The following CRKL variants were observed in gnomAD, a reference collection of about 807,000 sequenced individuals.
CRKL encodes CRK like proto-oncogene, adaptor protein, also known as crk-like protein.
CRKL carries 3 observed loss-of-function variants against 23.0 expected under a neutral mutation model. The ratio of observed to expected loss-of-function variants is 0.13; its 90% CI spans 0.06 to 0.34. The LOEUF (loss-of-function observed/expected upper bound fraction) is 0.34. Ranked by LOEUF, CRKL falls within the 10% of genes least tolerant of loss-of-function variation. The pLI, the probability that CRKL is intolerant of heterozygous loss-of-function variation, is 1.00. For missense variants in CRKL, 256 were observed against 394.5 expected, an observed-to-expected ratio of 0.65 and a Z score of 2.97; for synonymous variants, 188 against 160.7, an observed-to-expected ratio of 1.17 and a Z score of -1.28.
chr22:20,929,869 T>C (rs560746201), intron 1 of CRKL, among the ~76,000 whole-genome samples: 4 of 152,322 alleles, frequency 2.6e-5, no homozygotes, highest in African/African-American at 9.6e-5. Context: ...GCTTCATATT[T>C]CTTTAGACAG....
intron 2 of CRKL, among the ~76,000 whole-genome samples, chr22:20,942,544 A>G (rs1035656701): frequency 2.6e-5 from 4 of 152,170 alleles, no homozygotes; most frequent in African/African-American, 9.7e-5. Context: ...TTGACACACA[A>G]ATGTTTGAGT....
At chr22:20,937,052 A>G (rs1175975609) in intron 2 of CRKL, among the ~76,000 whole-genome samples, 4 of 151,756 alleles carry the variant, frequency 2.6e-5, no homozygotes, top group Non-Finnish European at 4.4e-5. Context: ...GGGTTTCACT[A>G]TGTTGGCCAG....
chr22:20,925,991 A>G (rs113743083), intron 1 of CRKL, among the ~76,000 whole-genome samples: 188 of 152,350 alleles, frequency 1.2e-3, no homozygotes, highest in African/African-American at 4.4e-3. Flanking sequence ...TTAGAATGCC[A>G]TGACAGCTTA....
chr22:20,927,547 A>G (rs1921269712), intron 1 of CRKL, among the ~76,000 whole-genome samples: 1 of 141,576 alleles, frequency 7.1e-6, no homozygotes, highest in African/African-American at 2.6e-5. Context: ...GAAATATTTC[A>G]TACATAGAAA....
chr22:20,929,252 C>T (rs1025116976), intron 1 of CRKL, among the ~76,000 whole-genome samples: 2 of 151,962 alleles, frequency 1.3e-5, no homozygotes, highest in Admixed American at 6.6e-5. Context: ...GCAAGCTCTG[C>T]CTCCCGGGTT....
Position 20,917,458 on chromosome 22 carries a change from T to C in CRKL, c.-477T>C. 4.3e-6 allele frequency: 1 copy of C among 230,508 alleles called. No individual in the cohort carries two copies. The highest frequency in any genetic ancestry group is 8.6e-6 in the Non-Finnish European group (1 of 116,372). The allele number at this position is 230,508 out of a possible 1,614,324, so 14.3% of individuals were successfully genotyped here. A position where few individuals can be genotyped will look rare whatever the true frequency, so the allele number is the denominator to read the frequency against. On this transcript the variant is annotated 5_prime_UTR_variant, in exon 1 of 3. Transcript: ENST00000354336. ...GGAGGTGGCTGCCGCTTCTCCCGCGTCCGCCATTTTGTTGCTGTGGCTATT... is the reference window on the plus strand; with the variant it reads ...GGAGGTGGCTGCCGCTTCTCCCGCGCCCGCCATTTTGTTGCTGTGGCTATT...
chr22:20,939,398 G>T (rs562500545), intron 2 of CRKL, among the ~76,000 whole-genome samples: 2 of 96,102 alleles, frequency 2.1e-5, no homozygotes, highest in African/African-American at 6.7e-5. Flanking sequence ...CTGCCACCAC[G>T]CCCGGCTAAT....
intron 1 of CRKL, among the ~76,000 whole-genome samples, chr22:20,925,189 A>AAC (rs1426553975): frequency 6.7e-6 from 1 of 148,610 alleles, no homozygotes; most frequent in African/African-American, 2.4e-5. Context: ...TCCGTCTCAA[A>AAC]AAAAAAAAAA....
chr22:20,934,338 A>G, intron 2 of CRKL, 94 bp downstream of exon 2: 1 of 1,106,438 alleles, frequency 9.0e-7, no homozygotes, highest in Non-Finnish European at 1.3e-6. Context: ...GCTTATATTC[A>G]TGGAATTAGA....
chr22:20,925,229 C>G (rs1350916033), intron 1 of CRKL, among the ~76,000 whole-genome samples: 1 of 146,462 alleles, frequency 6.8e-6, no homozygotes, highest in Non-Finnish European at 1.5e-5. Context: ...ATGGAAAGTA[C>G]TAGTAGCCAT....
intron 2 of CRKL, among the ~76,000 whole-genome samples, chr22:20,947,089 C>G (rs1358917292): frequency 6.6e-6 from 1 of 152,204 alleles, no homozygotes; most frequent in East Asian, 1.9e-4. Context: ...AGTCTCTCAG[C>G]CATTCTCTTC....
rs1391710532 is a variant in CRKL at position 20,950,235 on chromosome 22, A to G, written c.*390A>G. On this transcript the variant is annotated 3_prime_UTR_variant, in exon 3 of 3. Transcript: ENST00000354336. ...ATACTGCATGTTTGCTGTTCCACAA[A>G]GCAGTGGCTTAGCTGCCATCTTGCT... The G allele has an allele frequency of 8.2e-6, 2 of 244,118 alleles. No individual in the cohort carries two copies. Among genetic ancestry groups the G allele is most frequent in the Non-Finnish European group, 1.6e-5 (2 of 126,112 alleles). 15.1% of individuals were successfully genotyped at this position (244,118 alleles called of 1,614,324 possible). A position where few individuals can be genotyped will look rare whatever the true frequency, so the allele number is the denominator to read the frequency against.
At chr22:20,945,610 A>G (rs1922029928) in intron 2 of CRKL, among the ~76,000 whole-genome samples, 1 of 152,146 alleles carries the variant, frequency 6.6e-6, no homozygotes, top group African/African-American at 2.4e-5. Flanking sequence ...TTAAAACCCT[A>G]TTAGATAGCA....
chr22:20,947,662 TTTTTC>T (rs1569138668), intron 2 of CRKL, among the ~76,000 whole-genome samples: 1 of 133,472 alleles, frequency 7.5e-6, no homozygotes, highest in Non-Finnish European at 1.6e-5. Flanking sequence ...TTTCTTTTCT[TTTTTC>T]TTTTTTTCAT....
Position 20,917,710 on chromosome 22 carries a change from T to C in CRKL, c.-225T>C. 1.7e-6 allele frequency: 1 copy of C among 573,556 alleles called. No homozygotes were observed. Among genetic ancestry groups the C allele is most frequent in the Non-Finnish European group, 3.0e-6 (1 of 328,194 alleles). 35.5% of individuals were successfully genotyped at this position (573,556 alleles called of 1,614,324 possible). A position where few individuals can be genotyped will look rare whatever the true frequency, so the allele number is the denominator to read the frequency against. ...CCGACCCCCCGGCTCTGCCGTGCAT[T>C]CCCGGGCGGCTCTCTCCGTGTGGCG... On this transcript the variant is annotated 5_prime_UTR_variant, in exon 1 of 3. Transcript: ENST00000354336.
At chr22:20,947,624 G>A (rs1175143803) in intron 2 of CRKL, among the ~76,000 whole-genome samples, 1 of 151,408 alleles carries the variant, frequency 6.6e-6, no homozygotes, top group African/African-American at 2.4e-5. Flanking sequence ...ACAGATGTGA[G>A]CCACTGCGCC....
rs1921335473 is a variant in CRKL, at chr22:20,928,941, GT to G, written c.312-4835del. 1.3e-5 allele frequency among the ~76,000 whole-genome samples: 2 copies of G among 152,026 alleles called. 1 individual carries two copies. The highest frequency in any genetic ancestry group is 6.8e-3 in the Middle Eastern group (2 of 292). On this transcript the variant is annotated intron_variant, in intron 1 of 2. Transcript: ENST00000354336. Reference sequence around the variant, plus strand: ...TAAGCTTAGAACATATTAGCACTTGGTTTAAAGATGTTTTGTGTATGGTTTA... The same window carrying G: ...TAAGCTTAGAACATATTAGCACTTGGTTAAAGATGTTTTGTGTATGGTTTA...
At chr22:20,927,982 G>A (rs778111381) in intron 1 of CRKL, among the ~76,000 whole-genome samples, 3 of 151,382 alleles carry the variant, frequency 2.0e-5, no homozygotes, top group Non-Finnish European at 2.9e-5. Context: ...GCCAGCATGT[G>A]AAACCCATCT....
chr22:20,919,072 T>C (rs561555667), intron 1 of CRKL, among the ~76,000 whole-genome samples: 1 of 150,930 alleles, frequency 6.6e-6, no homozygotes, highest in South Asian at 2.1e-4. Context: ...ACTCCAGGAC[T>C]GCAGCCTTTG....
Sources: allele counts gnomAD v4.1 joint callset (sites outside exome capture counted in the v4.1 genomes callset), GRCh38; gene constraint gnomAD v4.1.1; transcripts MANE v1.5; gene names NCBI Gene and HGNC (gene_info 2026-07-23, HGNC 2026-07-21).